Variants in CCR9 observed in about 807,000 individuals in gnomAD.
The protein encoded by CCR9 is C-C chemokine receptor type 9.
Under a neutral mutation model 8.7 loss-of-function variants are expected in CCR9, and 4 were observed. The observed-to-expected ratio is 0.46, with a 90% CI of 0.23 to 1.06. CCR9 has a LOEUF of 1.06. Among genes scored for constraint, CCR9 ranks in the 50% least tolerant of loss-of-function variants. The pLI, the probability that CCR9 is intolerant of heterozygous loss-of-function variation, is 0.21. For missense variants in CCR9, 394 were observed against 453.6 expected, an observed-to-expected ratio of 0.87 and a Z score of 1.19; for synonymous variants, 159 against 168.8, an observed-to-expected ratio of 0.94 and a Z score of 0.45.
At chr3:45,897,729 C>T (rs966727153) in intron 2 of CCR9, 1 of 723,520 alleles carries the variant, frequency 1.4e-6, no homozygotes, top group Non-Finnish European at 2.2e-6. Context: ...TGTCCTTCTG[C>T]CAAGCATGCC....
At position 45,901,834 on chromosome 3, in the gene CCR9, G is replaced by A; in HGVS notation, c.1046G>A (p.Arg349Lys). ...SQAQWVSFTR[R>K]EGSLKLSSML... ...GCCCAGTGGGTTTCATTTACAAGGA[G>A]AGAGGGAAGCTTGAAGCTGTCGTCT... Residue 349 changes from arginine (R) to lysine (K), a missense_variant, in exon 3 of 3, where the codon AGA (arginine) becomes AAA (lysine). Physicochemically the swap from Arg to Lys is conservative, Grantham distance 26. Transcript: ENST00000357632. This position sits in a 1 kb window ranked among gnomAD's most constrained non-coding sequence, Gnocchi z 4.3. 1 of 1,613,406 alleles carries A rather than the reference G, an allele frequency of 6.2e-7. No homozygotes were observed. Among genetic ancestry groups the A allele is most frequent in the Non-Finnish European group, 8.5e-7 (1 of 1,179,334 alleles).
intron 1 of CCR9, among the ~76,000 whole-genome samples, chr3:45,891,852 C>G (rs57527954): frequency 0.51 from 78,204 of 151,932 alleles, 23,300 homozygotes; most frequent in African/African-American, 0.83. Context: ...CTTCATTTTG[C>G]GTTTTTCTGA....
At chr3:45,894,335 G>A (rs965216978) in intron 1 of CCR9, among the ~76,000 whole-genome samples, 2 of 152,136 alleles carry the variant, frequency 1.3e-5, no homozygotes, top group African/African-American at 4.8e-5. Context: ...TTTTAGGGAG[G>A]GGCCCCAACC....
chr3:45,901,641 T>C lies in CCR9; in HGVS notation c.853T>C (p.Phe285Leu). 2 of 1,614,200 alleles carry C rather than the reference T, an allele frequency of 1.2e-6. No individual in the cohort carries two copies. The highest frequency in any genetic ancestry group is 1.7e-6 in the Non-Finnish European group (2 of 1,180,002). Residue 285 changes from phenylalanine (F) to leucine (L), a missense_variant, in exon 3 of 3, where the codon TTC becomes CTC. Coordinates refer to ENST00000357632, the MANE Select transcript of CCR9 (RefSeq NM_031200.3). The surrounding 1 kb of genome is among the most constrained non-coding windows in gnomAD (Gnocchi z 4.3). ...LVQTIDAYAM[F>L]ISNCAVSTNI... ...GCAGACCATTGACGCCTATGCCATG[T>C]TCATCTCCAACTGTGCCGTTTCCAC...
intron 1 of CCR9, among the ~76,000 whole-genome samples, chr3:45,888,342 G>A (rs1702046939): frequency 6.6e-6 from 1 of 152,032 alleles, no homozygotes; most frequent in South Asian, 2.1e-4. Flanking sequence ...AAGCCCTCCT[G>A]GATTCTCCCC....
intron 2 of CCR9, among the ~76,000 whole-genome samples, chr3:45,896,868 G>A (rs1298501665): frequency 2.0e-5 from 3 of 152,316 alleles, no homozygotes; most frequent in Non-Finnish European, 4.4e-5. Context: ...CACAGTCCCT[G>A]CCCTTTCTCT....
intron 2 of CCR9, among the ~76,000 whole-genome samples, chr3:45,897,004 T>C (rs534247987): frequency 6.6e-6 from 1 of 152,302 alleles, no homozygotes; most frequent in South Asian, 2.1e-4. Flanking sequence ...TGTTCACAAC[T>C]GGGACGCCTG....
intron 1 of CCR9, among the ~76,000 whole-genome samples, chr3:45,893,459 C>T (rs548345919): frequency 6.6e-6 from 1 of 152,252 alleles, no homozygotes; most frequent in African/African-American, 2.4e-5. Flanking sequence ...CCAGCCACCT[C>T]CCCTTCTCTC....
In CCR9 at chr3:45,896,482, G is replaced by A. The variant is rs888152273; in HGVS notation, c.21+1528G>A. 6.9e-4 allele frequency among the ~76,000 whole-genome samples: 105 copies of A among 152,306 alleles called. 1 individual carries two copies. Among genetic ancestry groups the A allele is most frequent in the African/African-American group, 2.5e-3 (103 of 41,562 alleles). The stretch of plus-strand genomic sequence containing the variant: ...ATGTGCTGGGCCAGTCACCCATGCA[G>A]GTGCCCCACATTCCCTCAGCGTCAC... On this transcript the variant is annotated intron_variant, in intron 2 of 2. Coordinates refer to ENST00000357632, the MANE Select transcript of CCR9 (RefSeq NM_031200.3).
Position 45,901,314 on chromosome 3 carries a change from G to A in CCR9, c.526G>A (p.Ala176Thr). The change falls in exon 3 of 3, where the codon GCA (alanine) becomes ACA (threonine). Residue 176 changes from alanine to threonine, a missense_variant. Ala to Thr is a moderately conservative substitution (Grantham distance 58, BLOSUM62 0). Transcript: ENST00000357632. The surrounding 1 kb of genome is among the most constrained non-coding windows in gnomAD (Gnocchi z 4.3). ...KMVCFTIWVL[A>T]AALCIPEILY... is the part of the protein sequence containing the mutation. ...GGTTTGCTTTACCATCTGGGTATTG[G>A]CAGCTGCTCTCTGCATCCCAGAAAT... The A allele has an allele frequency of 6.2e-7, 1 of 1,614,144 alleles. No homozygotes were observed. Among genetic ancestry groups the A allele is most frequent in the East Asian group, 2.2e-5 (1 of 44,874 alleles).
intron 2 of CCR9, among the ~76,000 whole-genome samples, chr3:45,897,810 T>C (rs1257692373): frequency 3.3e-5 from 5 of 152,076 alleles, no homozygotes; most frequent in Non-Finnish European, 7.4e-5. Flanking sequence ...AAATCCATGC[T>C]GCTCCTCGCT....
At chr3:45,893,595 A>C (rs1702258998) in intron 1 of CCR9, among the ~76,000 whole-genome samples, 1 of 152,176 alleles carries the variant, frequency 6.6e-6, no homozygotes, top group Admixed American at 6.5e-5. Flanking sequence ...ACTTGGCATA[A>C]TTGTTTGGAG....
intron 2 of CCR9, chr3:45,897,604 A>G (rs1702398747): frequency 1.3e-6 from 2 of 1,535,734 alleles, no homozygotes; most frequent in Non-Finnish European, 1.7e-6. Context: ...TCGCTGGCCC[A>G]GGAATCCATC....
At chr3:45,897,636 G>C in intron 2 of CCR9, 2 of 1,531,188 alleles carry the variant, frequency 1.3e-6, no homozygotes, top group Non-Finnish European at 1.7e-6. Context: ...CCTTAGCCCA[G>C]GACTAACACA....
intron 2 of CCR9, chr3:45,897,424 T>C (rs1336799076): frequency 3.0e-6 from 2 of 673,190 alleles, no homozygotes; most frequent in Non-Finnish European, 5.3e-6. Flanking sequence ...CCCCCTGGGC[T>C]TCCAGCAGGA....
intron 1 of CCR9, among the ~76,000 whole-genome samples, chr3:45,887,887 A>G (rs1702031289): frequency 6.7e-6 from 1 of 150,294 alleles, no homozygotes; most frequent in African/African-American, 2.5e-5. Context: ...AGAGCTATGA[A>G]AAAATGTAAG....
rs200734788 is a variant in CCR9, at chr3:45,903,157, A to C, written c.*1259A>C. The C allele has an allele frequency of 2.4e-5, 4 of 167,114 alleles. No individual in the cohort carries two copies. Among genetic ancestry groups the C allele is most frequent in the Non-Finnish European group, 5.9e-5 (4 of 68,128 alleles). 10.4% of individuals were successfully genotyped at this position (167,114 alleles called of 1,614,324 possible). ...TCAATATTTTAAGTGTGTGCAATTA[A>C]AGATCAAATAGATACATTAAGAGTG... On this transcript the variant is annotated 3_prime_UTR_variant, in exon 3 of 3. Coordinates refer to ENST00000357632, the MANE Select transcript of CCR9 (RefSeq NM_031200.3).
intron 2 of CCR9, among the ~76,000 whole-genome samples, chr3:45,896,247 C>A (rs193266642): frequency 6.6e-6 from 1 of 152,192 alleles, no homozygotes; most frequent in Non-Finnish European, 1.5e-5. Flanking sequence ...CTGAGCTTGC[C>A]AGTCATTTGC....
At chr3:45,897,489 C>T (rs190161521) in intron 2 of CCR9, 31 of 916,612 alleles carry the variant, frequency 3.4e-5, no homozygotes, top group Non-Finnish European at 4.6e-5. Flanking sequence ...GCCTGCTCAC[C>T]GGGCAGTGGA....
Sources: gnomAD v4.1 joint callset for allele counts (sites outside exome capture counted in the v4.1 genomes callset) on GRCh38, gnomAD v4.1.1 for gene constraint, Gnocchi (gnomAD v3.1) non-coding constraint, MANE v1.5 for transcripts, NCBI Gene and HGNC (gene_info 2026-07-23, HGNC 2026-07-21) for gene names.